Variants in QSER1 observed in about 807,000 individuals in gnomAD.
The protein encoded by QSER1 is glutamine and serine-rich protein 1.
A neutral mutation model predicts 158.5 loss-of-function variants in QSER1; 49 were observed. That is an observed-to-expected ratio of 0.31 (90% CI 0.25 to 0.39). The LOEUF is 0.39. Among genes scored for constraint, QSER1 ranks in the 10% least tolerant of loss-of-function variants. The probability of loss-of-function intolerance (pLI) is 1.00; values close to 1 mark genes in which losing one functional copy is unlikely to be tolerated. For missense variants in QSER1, 1,754 were observed against 2,010.3 expected, an observed-to-expected ratio of 0.87 and a Z score of 2.44; for synonymous variants, 650 against 715.5, an observed-to-expected ratio of 0.91 and a Z score of 1.46.
At chr11:32,902,578 A>G (rs1006605899) in intron 1 of QSER1, among the ~76,000 whole-genome samples, 2 of 152,156 alleles carry the variant, frequency 1.3e-5, no homozygotes, top group African/African-American at 2.4e-5. Context: ...CTTTGTTCCA[A>G]CGCTTCTGTT....
intron 1 of QSER1, chr11:32,925,842 A>C (rs185324835): frequency 6.6e-6 from 1 of 152,234 alleles, no homozygotes; most frequent in Non-Finnish European, 1.5e-5. Flanking sequence ...TGCAGACATT[A>C]ATAAGGATAC....
intron 12 of QSER1, chr11:32,975,677 G>C (rs1852963895): frequency 8.6e-7 from 1 of 1,157,726 alleles, no homozygotes; most frequent in Non-Finnish European, 1.1e-6. Context: ...ATTCACTTCA[G>C]TCACTGCTTT....
At chr11:32,960,266 T>C (rs1016489168) in intron 8 of QSER1, among the ~76,000 whole-genome samples, 2 of 151,942 alleles carry the variant, frequency 1.3e-5, no homozygotes, top group Non-Finnish European at 2.9e-5. Context: ...TTTAGAAATA[T>C]ATACATCAGG....
chr11:32,918,989 C>T (rs1455704348), intron 1 of QSER1, among the ~76,000 whole-genome samples: 2 of 152,128 alleles, frequency 1.3e-5, no homozygotes, highest in African/African-American at 4.8e-5. Flanking sequence ...TTATTACCAT[C>T]TTGCATTGGT....
At chr11:32,916,581 A>G (rs1851833226) in intron 1 of QSER1, among the ~76,000 whole-genome samples, 1 of 152,102 alleles carries the variant, frequency 6.6e-6, no homozygotes, top group Admixed American at 6.6e-5. Context: ...CACCTAGGCT[A>G]TATGGTATGA....
intron 10 of QSER1, among the ~76,000 whole-genome samples, chr11:32,972,290 A>G (rs1590190055): frequency 6.6e-6 from 1 of 152,140 alleles, no homozygotes; most frequent in Non-Finnish European, 1.5e-5. Context: ...TAATTTTTAT[A>G]AAGTCATAAT....
rs1457041904 is a variant in QSER1 at position 32,977,617 on chromosome 11, T to G, written c.*1143T>G. 1.3e-5 allele frequency: 2 copies of G among 152,650 alleles called. No homozygotes were observed. 9.5% of individuals were successfully genotyped at this position (152,650 alleles called of 1,614,324 possible). A position where few individuals can be genotyped will look rare whatever the true frequency, so the allele number is the denominator to read the frequency against. Reference sequence around the variant, plus strand: ...GGAAGTTGTAGAGCTCTCCTTTTGGTGCCTTTCCAGCCTTTATACACACTA... The same window carrying G: ...GGAAGTTGTAGAGCTCTCCTTTTGGGGCCTTTCCAGCCTTTATACACACTA... On this transcript the variant is annotated 3_prime_UTR_variant, in exon 13 of 13. Transcript: ENST00000650167.
chr11:32,955,283 C>G lies in QSER1; in HGVS notation c.4501-13C>G, dbSNP rs369244508. 2.4e-5 allele frequency: 33 copies of G among 1,356,182 alleles called. No individual in the cohort carries two copies. The highest frequency in any genetic ancestry group is 3.4e-5 in the Non-Finnish European group (33 of 963,822). 84.0% of individuals were successfully genotyped at this position (1,356,182 alleles called of 1,614,324 possible). A position where few individuals can be genotyped will look rare whatever the true frequency, so the allele number is the denominator to read the frequency against. On this transcript the variant is annotated splice_polypyrimidine_tract_variant and intron_variant, in intron 5 of 12. Transcript: ENST00000650167. ...CTGTGTTTTGTAAGTATCATTAATT[C>G]TGGTTATTACAGGAGGCTTTAAAAA...
Position 32,935,468 on chromosome 11 carries a change from A to G in QSER1, c.4177+33A>G, listed in dbSNP as rs773562890. The G allele has an allele frequency of 1.6e-5, 23 of 1,417,050 alleles. No homozygotes were observed. The African/African-American group carries it at 2.3e-4, about 14-fold the overall frequency. 87.8% of individuals were successfully genotyped at this position (1,417,050 alleles called of 1,614,324 possible). ...TTTACAATTTAGATTCATAATTATT[A>G]CTTTCTTCTATTTTTCCAGCTATAG... On this transcript the variant is annotated intron_variant, in intron 4 of 12. Coordinates refer to ENST00000650167, the MANE Select transcript of QSER1 (RefSeq NM_001076786.3).
At chr11:32,906,415 C>T (rs932574181) in intron 1 of QSER1, among the ~76,000 whole-genome samples, 1 of 152,108 alleles carries the variant, frequency 6.6e-6, no homozygotes, top group Non-Finnish European at 1.5e-5. Flanking sequence ...AAGAGCAAAA[C>T]TCCGTTTTTT....
chr11:32,975,866 T>C (rs1370992158), intron 12 of QSER1, among the ~76,000 whole-genome samples: 1 of 152,238 alleles, frequency 6.6e-6, no homozygotes, highest in Non-Finnish European at 1.5e-5. Flanking sequence ...AGCATTAATT[T>C]CCACAGCCAT....
At position 32,977,163 on chromosome 11, in the gene QSER1, G is replaced by GT. The variant is rs933905559; in HGVS notation, c.*695dup. 1.3e-5 allele frequency: 2 copies of GT among 152,332 alleles called. No homozygotes were observed. Among genetic ancestry groups the GT allele is most frequent in the Non-Finnish European group, 2.9e-5 (2 of 67,990 alleles). 9.4% of individuals were successfully genotyped at this position (152,332 alleles called of 1,614,324 possible). On this transcript the variant is annotated 3_prime_UTR_variant, in exon 13 of 13. Transcript: ENST00000650167. ...AAAGAAAAGTATTTTCGTTTATACT[G>GT]TTTTTTCCTTTGGAAAATTTTCAAT...
intron 4 of QSER1, among the ~76,000 whole-genome samples, chr11:32,947,634 T>A (rs1011253293): frequency 2.0e-5 from 3 of 152,184 alleles, no homozygotes; most frequent in African/African-American, 7.2e-5. Context: ...TCTCTACTTT[T>A]GTGTAGTCTA....
intron 1 of QSER1, among the ~76,000 whole-genome samples, chr11:32,915,873 T>C (rs1851823959): frequency 1.3e-5 from 2 of 152,086 alleles, no homozygotes; most frequent in Non-Finnish European, 2.9e-5. Flanking sequence ...TGTTGCGTAG[T>C]TCATGAAAAA....
Position 32,976,318 on chromosome 11 carries a change from G to A in QSER1, c.5455-16G>A, listed in dbSNP as rs200751629. 1.1e-3 allele frequency: 1,654 copies of A among 1,572,974 alleles called. 3 individuals are homozygous for A. Among genetic ancestry groups the A allele is most frequent in the Non-Finnish European group, 1.3e-3 (1,511 of 1,166,504 alleles). ...TGTGATAAGTATAAGCTAATTTGGC[G>A]ATTTTCTTTTTTTAGATTTCTTCGG... On this transcript the variant is annotated splice_polypyrimidine_tract_variant and intron_variant, in intron 12 of 12. Coordinates refer to ENST00000650167, the MANE Select transcript of QSER1 (RefSeq NM_001076786.3).
At chr11:32,940,048 G>A (rs951832335) in intron 4 of QSER1, among the ~76,000 whole-genome samples, 1 of 150,972 alleles carries the variant, frequency 6.6e-6, no homozygotes, top group Non-Finnish European at 1.5e-5. Context: ...AAGAAATGAA[G>A]GAACAGGGAT....
chr11:32,975,450 T>C (rs1048403160), intron 12 of QSER1, 107 bp downstream of exon 12: 2 of 1,535,282 alleles, frequency 1.3e-6, no homozygotes, highest in Admixed American at 3.7e-5. Flanking sequence ...TACATGTGTG[T>C]ATGTATTTTG....
chr11:32,903,503 T>G lies in QSER1; in HGVS notation c.209+10169T>G, dbSNP rs561732521. ...AAACAAAGTGGACTGGGCAGGCTCA[T>G]TGAAATGATTGAACAATGACTTGGA... On this transcript the variant is annotated intron_variant, in intron 1 of 12. Coordinates refer to ENST00000650167, the MANE Select transcript of QSER1 (RefSeq NM_001076786.3). 2.0e-5 allele frequency among the ~76,000 whole-genome samples: 3 copies of G among 151,368 alleles called. No individual in the cohort carries two copies. The East Asian group carries it at 5.8e-4, about 29-fold the overall frequency.
At chr11:32,965,962 C>CACACACAG (rs1226643529) in intron 8 of QSER1, among the ~76,000 whole-genome samples, 128 of 150,978 alleles carry the variant, frequency 8.5e-4, no homozygotes, top group Non-Finnish European at 1.4e-3. Flanking sequence ...CACACACACA[C>CACACACAG]ACACACACAC....
Sources: allele counts gnomAD v4.1 joint callset (sites outside exome capture counted in the v4.1 genomes callset), GRCh38; gene constraint gnomAD v4.1.1; transcripts MANE v1.5; gene names NCBI Gene and HGNC (gene_info 2026-07-23, HGNC 2026-07-21).